Variants in SEMA3D observed in about 807,000 individuals in gnomAD.
SEMA3D encodes the protein semaphorin 3D, also known as semaphorin-3D.
Under a neutral mutation model 100.1 loss-of-function variants are expected in SEMA3D, and 84 were observed. The observed-to-expected ratio is 0.84, with a 90% CI of 0.70 to 1.01. SEMA3D has a LOEUF of 1.01. Among genes scored for constraint, SEMA3D ranks in the 50% least tolerant of loss-of-function variants. SEMA3D has a pLI of 0.00. For missense variants in SEMA3D, 875 were observed against 934.1 expected (o/e 0.94, Z 0.82); for synonymous variants, 312 against 320.7 (o/e 0.97, Z 0.29).
intron 3 of SEMA3D, among the ~76,000 whole-genome samples, chr7:85,117,853 C>G (rs1200364992): frequency 1.3e-5 from 2 of 150,342 alleles, no homozygotes; most frequent in Non-Finnish European, 3.0e-5. Context: ...GATACATATA[C>G]ATAATACATA....
chr7:85,241,948 C>T, the SEMA3D span, among the ~76,000 whole-genome samples: 11 of 151,878 alleles, frequency 7.2e-5, no homozygotes, highest in South Asian at 2.1e-4. Flanking sequence ...AAAAGGGAAC[C>T]GCTGTACAGT....
At chr7:85,227,739 A>G in the SEMA3D span, among the ~76,000 whole-genome samples, 1 of 152,124 alleles carries the variant, frequency 6.6e-6, no homozygotes, top group East Asian at 1.9e-4. Context: ...AAACAAATGT[A>G]TGATGAATTT....
the SEMA3D span, among the ~76,000 whole-genome samples, chr7:85,193,403 C>G: frequency 6.6e-6 from 1 of 152,094 alleles, no homozygotes; most frequent in Non-Finnish European, 1.5e-5. Flanking sequence ...AATGTCCCCT[C>G]TGCCTTTAGC....
chr7:85,161,589 A>G (rs1407641102), intron 1 of SEMA3D, among the ~76,000 whole-genome samples: 2 of 152,096 alleles, frequency 1.3e-5, no homozygotes, highest in Admixed American at 1.3e-4. Context: ...AAGCAGGAAG[A>G]GAGGAAAACA....
chr7:85,169,058 TATC>T lies in SEMA3D; in HGVS notation c.-172-15322_-172-15320del, dbSNP rs531040731. On this transcript the variant is annotated intron_variant, in intron 1 of 18. Transcript: ENST00000284136. ...GAGATAAATTAGATAAAAAATATTT[TATC>T]ATTATTTTCTTATACTATGAGTCCA... Among the ~76,000 whole-genome samples, 196 of 151,764 alleles carry T rather than the reference TATC, an allele frequency of 1.3e-3. 2 individuals carry two copies. The highest frequency in any genetic ancestry group is 4.3e-3 in the African/African-American group (180 of 41,520).
chr7:85,045,161 T>G (rs1212394913), intron 9 of SEMA3D, among the ~76,000 whole-genome samples: 1 of 152,008 alleles, frequency 6.6e-6, no homozygotes, highest in Non-Finnish European at 1.5e-5. Context: ...TAATACTGTC[T>G]GTGCTGGAAA....
At chr7:85,067,562 A>C (rs1430462943) in intron 7 of SEMA3D, among the ~76,000 whole-genome samples, 1 of 152,288 alleles carries the variant, frequency 6.6e-6, no homozygotes, top group Non-Finnish European at 1.5e-5. Flanking sequence ...AGACAAAAGG[A>C]GTCCTTATAA....
chr7:85,010,146 T>C (rs2115770212), intron 17 of SEMA3D, among the ~76,000 whole-genome samples: 1 of 151,820 alleles, frequency 6.6e-6, no homozygotes, highest in South Asian at 2.1e-4. Context: ...CAGAGGACAA[T>C]GAATGCAAAC....
intron 4 of SEMA3D, among the ~76,000 whole-genome samples, chr7:85,090,271 C>T (rs141445745): frequency 1.1e-3 from 160 of 152,232 alleles, no homozygotes; most frequent in Non-Finnish European, 1.5e-3. Flanking sequence ...AGAGTTCTGG[C>T]GAGGTCTGAG....
chr7:85,128,288 C>T lies in SEMA3D; in HGVS notation c.-40-6357G>A, dbSNP rs201068542. 4.9e-4 allele frequency among the ~76,000 whole-genome samples: 74 copies of T among 152,130 alleles called. 1 individual carries two copies. In the East Asian group the frequency reaches 0.013, roughly 27 times the overall value. ...GTTCAAGTGATTCTCCTGCCTCAGC[C>T]TCCTGAGTAGCTGGGATTACAGGCG... On this transcript the variant is annotated intron_variant, in intron 2 of 18. Coordinates refer to ENST00000284136, the MANE Select transcript of SEMA3D (RefSeq NM_001384900.1).
chr7:85,070,687 G>A (rs550160570), intron 6 of SEMA3D, among the ~76,000 whole-genome samples: 97 of 152,174 alleles, frequency 6.4e-4, no homozygotes, highest in Non-Finnish European at 1.1e-3. Context: ...TCTTATTCAT[G>A]GAACTTGTAA....
intron 8 of SEMA3D, among the ~76,000 whole-genome samples, chr7:85,064,532 C>T (rs1791561422): frequency 6.6e-6 from 1 of 152,030 alleles, no homozygotes; most frequent in South Asian, 2.1e-4. Context: ...TTTATGTTGT[C>T]ACTGCTTAAA....
intron 2 of SEMA3D, chr7:85,151,659 A>T: frequency 1.0e-6 from 1 of 981,552 alleles, no homozygotes. Context: ...TCAGTATATT[A>T]TAGTGTATTT....
intron 9 of SEMA3D, among the ~76,000 whole-genome samples, chr7:85,051,134 T>C (rs983786136): frequency 6.6e-6 from 1 of 152,002 alleles, no homozygotes; most frequent in South Asian, 2.1e-4. Context: ...CAAATTCATA[T>C]GATCTTATTA....
rs992990953 is a variant in SEMA3D at position 84,999,440 on chromosome 7, C to T, written c.2334G>A (p.Ter778=). The change falls in exon 19 of 19, where the codon TAG becomes TAA. Residue 778 remains the stop codon, a stop_retained_variant. Transcript: ENST00000284136. The part of the protein sequence containing the change: ...LDELPRAVAT[*] Reference sequence around the variant, plus strand: ...TCTTTTCTTTAAATTAAGTAGAAAACTACGTGGCTACAGCTCTAGGGAGCT... The same window carrying T: ...TCTTTTCTTTAAATTAAGTAGAAAATTACGTGGCTACAGCTCTAGGGAGCT... 1.2e-6 allele frequency: 2 copies of T among 1,612,032 alleles called. No homozygotes were observed. Among genetic ancestry groups the T allele is most frequent in the African/African-American group, 2.7e-5 (2 of 74,730 alleles).
intron 9 of SEMA3D, among the ~76,000 whole-genome samples, chr7:85,045,499 T>C (rs754186008): frequency 1.3e-5 from 2 of 151,990 alleles, no homozygotes; most frequent in Non-Finnish European, 2.9e-5. Context: ...TTATATACGA[T>C]GCCTTTATTA....
chr7:85,242,188 A>G, the SEMA3D span, among the ~76,000 whole-genome samples: 1 of 151,980 alleles, frequency 6.6e-6, no homozygotes, highest in South Asian at 2.1e-4. Context: ...TACATTTCTA[A>G]CTTTTATTAT....
chr7:85,087,289 C>T (rs757168700), intron 4 of SEMA3D, among the ~76,000 whole-genome samples: 5 of 152,202 alleles, frequency 3.3e-5, no homozygotes, highest in Non-Finnish European at 7.3e-5. Flanking sequence ...CCACAAAACA[C>T]TAATTCTTAA....
At chr7:85,232,766 A>G in the SEMA3D span, among the ~76,000 whole-genome samples, 1 of 152,202 alleles carries the variant, frequency 6.6e-6, no homozygotes, top group Admixed American at 6.5e-5. Flanking sequence ...GATAAATGTG[A>G]AACTTTTCTA....
Sources: allele counts gnomAD v4.1 joint callset (sites outside exome capture counted in the v4.1 genomes callset), GRCh38; gene constraint gnomAD v4.1.1; transcripts MANE v1.5; gene names NCBI Gene and HGNC (gene_info 2026-07-23, HGNC 2026-07-21).